The following RAF1 variants were observed in gnomAD, a reference collection of about 807,000 sequenced individuals.
RAF1 encodes Raf-1 proto-oncogene, serine/threonine kinase.
Under a neutral mutation model 81.1 loss-of-function variants are expected in RAF1, and 27 were observed. The ratio of observed to expected loss-of-function variants is 0.33; its 90% CI spans 0.25 to 0.46. The LOEUF (loss-of-function observed/expected upper bound fraction) is 0.46. Ranked by LOEUF, RAF1 falls within the 20% of genes least tolerant of loss-of-function variation. The pLI, the probability that RAF1 is intolerant of heterozygous loss-of-function variation, is 1.00. For missense variants in RAF1, 598 were observed against 826.0 expected, an observed-to-expected ratio of 0.72 and a Z score of 3.38; for synonymous variants, 298 against 294.0, an observed-to-expected ratio of 1.01 and a Z score of -0.14.
At chr3:12,599,421 C>A (rs1044693114) in intron 11 of RAF1, among the ~76,000 whole-genome samples, 5 of 152,160 alleles carry the variant, frequency 3.3e-5, no homozygotes, top group Non-Finnish European at 7.4e-5. Flanking sequence ...CATGTGCAGA[C>A]TGTATTTAAT....
intron 14 of RAF1, 174 bp downstream of exon 13, chr3:12,587,417 C>T: frequency 4.2e-6 from 3 of 711,400 alleles, no homozygotes; most frequent in Non-Finnish European, 7.6e-6. Flanking sequence ...GCATAAGCTG[C>T]TGAGGGACAG....
intron 10 of RAF1, 59 bp from the exon 10 acceptor site, chr3:12,599,867 G>A: frequency 7.4e-7 from 1 of 1,355,046 alleles, no homozygotes; most frequent in Non-Finnish European, 1.1e-6. Flanking sequence ...TTTTGATAAT[G>A]AGGGCATCAA....
intron 1 of RAF1, among the ~76,000 whole-genome samples, chr3:12,638,394 G>A (rs2060089939): frequency 6.6e-6 from 1 of 152,214 alleles, no homozygotes; most frequent in Non-Finnish European, 1.5e-5. Context: ...TCAGCATGGA[G>A]TAATTGTTGA....
chr3:12,603,504 A>C lies in RAF1; in HGVS notation c.868T>G (p.Ser290Ala), dbSNP rs767159659. ...CTTCCCCTCAAACAAAATCGTCTGG[A>C]CCACGCCCTGGGAGAAGCACTCAGG... The change falls in exon 8 of 18, where the codon TCC becomes GCC. Residue 290 changes from serine to alanine, a missense_variant. Physicochemically the swap from Ser to Ala is moderately conservative, Grantham distance 99. Around this residue, in one of 5 missense-constraint regions of RAF1, gnomAD observed 194 missense variants for 202.7 expected, o/e 0.96. Coordinates refer to ENST00000442415, the MANE Select transcript of RAF1 (RefSeq NM_001354689.3). 2 of 701,914 alleles carry C rather than the reference A, an allele frequency of 2.8e-6. No homozygotes were observed. The highest frequency in any genetic ancestry group is 3.0e-5 in the South Asian group (2 of 67,412). The allele number at this position is 701,914 out of a possible 1,614,324, so 43.5% of individuals were successfully genotyped here.
intron 1 of RAF1, among the ~76,000 whole-genome samples, chr3:12,631,468 G>A (rs2059857214): frequency 1.3e-5 from 2 of 152,022 alleles, no homozygotes; most frequent in African/African-American, 2.4e-5. Flanking sequence ...GCGTGGTGGC[G>A]GGCGCCTGTA....
At chr3:12,585,040 G>A (rs1298363116) in intron 16 of RAF1, 59 bp from the exon 16 acceptor site, 2 of 1,613,710 alleles carry the variant, frequency 1.2e-6, no homozygotes, top group African/African-American at 1.3e-5. Flanking sequence ...ATAATAACAA[G>A]TCCTAACCCT....
intron 1 of RAF1, among the ~76,000 whole-genome samples, chr3:12,620,990 T>C (rs1207148534): frequency 6.6e-6 from 1 of 152,046 alleles, no homozygotes; most frequent in Non-Finnish European, 1.5e-5. Flanking sequence ...GTAAGGGGGG[T>C]AGGGTTTCCT....
rs762381771 is a variant in RAF1, at chr3:12,618,533, C to A, written c.189G>T (p.Pro63=). The change falls in exon 2 of 18, where the codon CCG becomes CCT. Residue 63 remains proline, a synonymous_variant. Coordinates refer to ENST00000442415, the MANE Select transcript of RAF1 (RefSeq NM_001354689.3). ...CACATACCACTGTTCTTTGCTTGTTCGGCAAGAAAACACGGATAGTGTTGC... is the reference window on the plus strand; with the variant it reads ...CACATACCACTGTTCTTTGCTTGTTAGGCAAGAAAACACGGATAGTGTTGC... 2 of 1,614,172 alleles carry A rather than the reference C, an allele frequency of 1.2e-6. No individual in the cohort carries two copies. Among genetic ancestry groups the A allele is most frequent in the East Asian group, 4.5e-5 (2 of 44,880 alleles).
Position 12,602,353 on chromosome 3 carries a change from G to A in RAF1, c.894+1125C>T, listed in dbSNP as rs373878494. 1.1e-4 allele frequency among the ~76,000 whole-genome samples: 17 copies of A among 152,190 alleles called. No homozygotes were observed. In the East Asian group the frequency reaches 2.9e-3, roughly 26 times the overall value. ...CTGCTTCTAAAGTAAAAAATGATTA[G>A]GCACAACAATTGTGCTAATTCTTTT... On this transcript the variant is annotated intron_variant, in intron 8 of 17. Coordinates refer to ENST00000442415, the MANE Select transcript of RAF1 (RefSeq NM_001354689.3).
intron 1 of RAF1, among the ~76,000 whole-genome samples, chr3:12,632,478 T>C (rs1195883899): frequency 6.6e-6 from 1 of 152,136 alleles, no homozygotes; most frequent in Non-Finnish European, 1.5e-5. Flanking sequence ...ACTTCATCTT[T>C]CTTAAGTGAC....
intron 1 of RAF1, among the ~76,000 whole-genome samples, chr3:12,644,754 C>T (rs79401009): frequency 6.6e-6 from 1 of 152,142 alleles, no homozygotes; most frequent in Non-Finnish European, 1.5e-5. Flanking sequence ...TAATCAGGCA[C>T]TTTGAAAAAC....
chr3:12,635,840 G>A (rs1311373653), intron 1 of RAF1, among the ~76,000 whole-genome samples: 22 of 151,416 alleles, frequency 1.5e-4, no homozygotes, highest in Admixed American at 2.6e-4. Flanking sequence ...AGGCGTGGTG[G>A]CAGGCACCTG....
At chr3:12,645,957 C>G (rs2125547527) in intron 1 of RAF1, among the ~76,000 whole-genome samples, 1 of 152,232 alleles carries the variant, frequency 6.6e-6, no homozygotes, top group Non-Finnish European at 1.5e-5. Flanking sequence ...CTGTATATAC[C>G]ATGTCTTATA....
chr3:12,647,030 C>T (rs934998229), intron 1 of RAF1, among the ~76,000 whole-genome samples: 1 of 151,216 alleles, frequency 6.6e-6, no homozygotes, highest in African/African-American at 2.4e-5. Context: ...GGCGTGGTGG[C>T]TCACGCCTGT....
intron 2 of RAF1, among the ~76,000 whole-genome samples, chr3:12,612,504 C>G (rs2059245221): frequency 6.6e-6 from 1 of 151,938 alleles, no homozygotes; most frequent in Middle Eastern, 3.2e-3. Flanking sequence ...CAAAAATTAG[C>G]CGGGCATGGT....
rs367768366 is a variant in RAF1 at position 12,601,555 on chromosome 3, G to A, written c.895-1140C>T. 2.6e-5 allele frequency among the ~76,000 whole-genome samples: 4 copies of A among 152,010 alleles called. No homozygotes were observed. In the East Asian group the frequency reaches 7.7e-4, roughly 29 times the overall value. On this transcript the variant is annotated intron_variant, in intron 8 of 17. Coordinates refer to ENST00000442415, the MANE Select transcript of RAF1 (RefSeq NM_001354689.3). ...CATATCCTAAAAAAGGACATTTTTT[G>A]GGGGGAAGTCCTACTATATTCTCTT...
chr3:12,626,511 A>T (rs2059707030), intron 1 of RAF1, among the ~76,000 whole-genome samples: 2 of 151,726 alleles, frequency 1.3e-5, no homozygotes. Context: ...GGATCACTTG[A>T]GCAAAGGAGG....
At chr3:12,599,390 A>G (rs1338468264) in intron 11 of RAF1, among the ~76,000 whole-genome samples, 1 of 152,194 alleles carries the variant, frequency 6.6e-6, no homozygotes. Context: ...TTGCTCACTT[A>G]AGGAGCTTCC....
chr3:12,615,664 A>C, intron 2 of RAF1, among the ~76,000 whole-genome samples: 1 of 152,204 alleles, frequency 6.6e-6, no homozygotes, highest in East Asian at 1.9e-4. Flanking sequence ...CAACCTTCTC[A>C]TAAGCTGTAG....
Sources: allele counts gnomAD v4.1 joint callset (sites outside exome capture counted in the v4.1 genomes callset), GRCh38; gene constraint gnomAD v4.1.1; regional missense constraint gnomAD v4.1.1; transcripts MANE v1.5; gene names NCBI Gene and HGNC (gene_info 2026-07-23, HGNC 2026-07-21).